The following FBXL13 variants were observed in gnomAD, a reference collection of about 807,000 sequenced individuals.
The protein encoded by FBXL13 is F-box and leucine-rich repeat protein 13.
Under a neutral mutation model 83.6 loss-of-function variants are expected in FBXL13, and 67 were observed. The ratio of observed to expected loss-of-function variants is 0.80; its 90% CI spans 0.66 to 0.98. The LOEUF (loss-of-function observed/expected upper bound fraction) is 0.98. Ranked by LOEUF, FBXL13 falls within the 50% of genes least tolerant of loss-of-function variation. The pLI is 0.00. For synonymous variants in FBXL13, 272 were observed against 299.5 expected (o/e 0.91, Z 0.95); for missense variants, 822 against 866.5 (o/e 0.95, Z 0.64).
intron 6 of FBXL13, among the ~76,000 whole-genome samples, chr7:103,004,966 A>T (rs746739625): frequency 7.9e-5 from 12 of 152,242 alleles, no homozygotes; most frequent in Non-Finnish European, 1.6e-4. Context: ...TAAATATTTT[A>T]CATATGCCTG....
chr7:103,015,326 C>G (rs996116297), intron 6 of FBXL13, among the ~76,000 whole-genome samples: 1 of 152,092 alleles, frequency 6.6e-6, no homozygotes, highest in African/African-American at 2.4e-5. Flanking sequence ...CAACACAGTA[C>G]TGAAAGTCCT....
chr7:103,065,026 T>C (rs192164000), intron 1 of FBXL13, among the ~76,000 whole-genome samples: 4 of 152,306 alleles, frequency 2.6e-5, no homozygotes, highest in Admixed American at 2.6e-4. Context: ...GCAAACTAAG[T>C]GATTCCTGTT....
chr7:102,916,034 A>G (rs969123569), intron 10 of FBXL13, among the ~76,000 whole-genome samples: 1 of 150,344 alleles, frequency 6.7e-6, no homozygotes, highest in Non-Finnish European at 1.5e-5. Context: ...CCCAGGCTGG[A>G]GTGCAATGGC....
intron 8 of FBXL13, among the ~76,000 whole-genome samples, chr7:102,958,356 G>A (rs1476818804): frequency 6.6e-6 from 1 of 151,634 alleles, no homozygotes; most frequent in Non-Finnish European, 1.5e-5. Flanking sequence ...TGAACACAGG[G>A]CGGGGAACAT....
intron 9 of FBXL13, among the ~76,000 whole-genome samples, chr7:102,928,433 G>A (rs1818536737): frequency 6.6e-6 from 1 of 152,204 alleles, no homozygotes; most frequent in Admixed American, 6.5e-5. Context: ...CTTCGAATGA[G>A]TGTTACCCAA....
intron 10 of FBXL13, 47 bp from the exon 12 acceptor site, chr7:102,913,262 C>G (rs760156147): frequency 6.2e-7 from 1 of 1,608,786 alleles, no homozygotes; most frequent in Non-Finnish European, 8.5e-7. Flanking sequence ...TTCCGTTGTT[C>G]TCTCAAATCT....
At chr7:102,898,849 G>A (rs1416217320) in intron 11 of FBXL13, among the ~76,000 whole-genome samples, 5 of 152,146 alleles carry the variant, frequency 3.3e-5, no homozygotes, top group Admixed American at 2.0e-4. Flanking sequence ...TGATTTTCTC[G>A]AGTAAGGCTC....
chr7:103,048,234 A>G (rs1796470568), intron 2 of FBXL13, among the ~76,000 whole-genome samples: 1 of 152,008 alleles, frequency 6.6e-6, no homozygotes, highest in Non-Finnish European at 1.5e-5. Context: ...ATATATATAT[A>G]AAGTTTTAAA....
intron 10 of FBXL13, among the ~76,000 whole-genome samples, chr7:102,918,721 T>C (rs1326335316): frequency 3.9e-5 from 6 of 152,132 alleles, no homozygotes; most frequent in Non-Finnish European, 5.9e-5. Context: ...CATCACACTA[T>C]GTAGCTGGGT....
intron 10 of FBXL13, among the ~76,000 whole-genome samples, chr7:102,915,855 T>C (rs1563085086): frequency 6.6e-6 from 1 of 152,232 alleles, no homozygotes; most frequent in Non-Finnish European, 1.5e-5. Context: ...GAAATACTTA[T>C]AACAATTGAA....
At chr7:102,990,817 T>C (rs1829482541) in intron 6 of FBXL13, among the ~76,000 whole-genome samples, 1 of 152,128 alleles carries the variant, frequency 6.6e-6, no homozygotes. Flanking sequence ...TGCCTTGAAC[T>C]TGGGTAACAT....
chr7:103,057,213 T>C (rs967103449), intron 1 of FBXL13, among the ~76,000 whole-genome samples: 12 of 152,224 alleles, frequency 7.9e-5, no homozygotes, highest in Non-Finnish European at 5.9e-5. Flanking sequence ...TCAGTGTTAA[T>C]ATTCTGCTAA....
At chr7:103,004,974 C>A (rs561604891) in intron 6 of FBXL13, among the ~76,000 whole-genome samples, 7 of 152,256 alleles carry the variant, frequency 4.6e-5, no homozygotes, top group African/African-American at 1.4e-4. Context: ...TTACATATGC[C>A]TGTAAATCAA....
At chr7:102,938,994 C>T (rs1820865292) in intron 8 of FBXL13, among the ~76,000 whole-genome samples, 1 of 152,212 alleles carries the variant, frequency 6.6e-6, no homozygotes, top group Non-Finnish European at 1.5e-5. Context: ...TTCTCATAAA[C>T]ATTTTTTTCG....
intron 16 of FBXL13, among the ~76,000 whole-genome samples, chr7:102,877,146 T>C (rs1337095211): frequency 1.3e-5 from 2 of 152,184 alleles, no homozygotes; most frequent in Non-Finnish European, 2.9e-5. Flanking sequence ...AAGAAAAATA[T>C]AGTTAAGCCA....
intron 2 of FBXL13, among the ~76,000 whole-genome samples, chr7:103,037,761 C>T (rs950760262): frequency 2.6e-5 from 4 of 152,022 alleles, no homozygotes; most frequent in Non-Finnish European, 1.5e-5. Context: ...GAACTATGAT[C>T]ATGCCACTGC....
chr7:102,827,676 C>T (rs1018651289), intron 18 of FBXL13, among the ~76,000 whole-genome samples: 2 of 152,084 alleles, frequency 1.3e-5, no homozygotes, highest in Non-Finnish European at 2.9e-5. Flanking sequence ...TTCCTCCCCC[C>T]TCCCGCCACC....
chr7:103,064,946 A>G (rs896878235), intron 1 of FBXL13, among the ~76,000 whole-genome samples: 2 of 152,190 alleles, frequency 1.3e-5, no homozygotes, highest in Non-Finnish European at 2.9e-5. Context: ...TAGGCATGCA[A>G]AAGAAGATAT....
intron 6 of FBXL13, among the ~76,000 whole-genome samples, chr7:102,983,426 T>G (rs1563184793): frequency 1.3e-5 from 2 of 150,188 alleles, no homozygotes; most frequent in African/African-American, 4.9e-5. Flanking sequence ...TTTCCCCTTT[T>G]TTTTTTTTTT....
Sources: gnomAD v4.1 joint callset for allele counts (sites outside exome capture counted in the v4.1 genomes callset) on GRCh38, gnomAD v4.1.1 for gene constraint, MANE v1.5 for transcripts, NCBI Gene and HGNC (gene_info 2026-07-23, HGNC 2026-07-21) for gene names.